SPNS3: variants seen among roughly 807,000 people sequenced by gnomAD.
SPNS3 encodes SPNS lysolipid transporter 3, sphingosine-1-phosphate (putative), also known as protein spinster homolog 3.
A neutral mutation model predicts 54.4 loss-of-function variants in SPNS3; 51 were observed. The ratio of observed to expected loss-of-function variants is 0.94; its 90% CI spans 0.75 to 1.18. SPNS3 has a LOEUF of 1.18. SPNS3 is among the 50% of genes most tolerant of loss of function. The probability of loss-of-function intolerance (pLI) is 0.00; values close to 1 mark genes in which losing one functional copy is unlikely to be tolerated. For synonymous variants in SPNS3, 309 were observed against 294.7 expected (o/e 1.05, Z -0.50); for missense variants, 669 against 677.4 (o/e 0.99, Z 0.14).
At chr17:4,473,512 C>T (rs919972430) in intron 8 of SPNS3, among the ~76,000 whole-genome samples, 3 of 151,944 alleles carry the variant, frequency 2.0e-5, no homozygotes, top group Admixed American at 6.6e-5. Context: ...TTTAGCCACC[C>T]GAGTAGCTGG....
intron 8 of SPNS3, among the ~76,000 whole-genome samples, chr17:4,470,673 G>C (rs947955495): frequency 6.6e-6 from 1 of 152,078 alleles, no homozygotes; most frequent in Non-Finnish European, 1.5e-5. Context: ...TTATAGATTT[G>C]TCTGTTCTGG....
intron 8 of SPNS3, among the ~76,000 whole-genome samples, chr17:4,473,504 T>C (rs1191658743): frequency 6.6e-6 from 1 of 151,988 alleles, no homozygotes; most frequent in Non-Finnish European, 1.5e-5. Context: ...TCTTGTGCTT[T>C]AGCCACCCGA....
chr17:4,449,097 C>T (rs1971084117), intron 6 of SPNS3, 138 bp from the exon 7 acceptor site: 1 of 1,008,780 alleles, frequency 9.9e-7, no homozygotes, highest in East Asian at 2.7e-5. Flanking sequence ...GAGGGGGTAG[C>T]AAATGCTACC....
At position 4,446,149 on chromosome 17, in the gene SPNS3, C is replaced by T. The variant is rs748989170; in HGVS notation, c.504C>T (p.Asp168=). Residue 168 remains aspartate (D), a synonymous_variant, in exon 4 of 12, where the codon GAC becomes GAT. Coordinates refer to ENST00000355530, the MANE Select transcript of SPNS3 (RefSeq NM_182538.5). The stretch of plus-strand genomic sequence containing the variant: ...TCCTGGGCGACCTCTTCGTGAGGGA[C>T]CAGCGCACCCGCGTGCTGGCTGTCT... ...PTVLGDLFVR[D]QRTRVLAVFY... is the part of the protein sequence containing the mutation. 7 of 1,613,578 alleles carry T rather than the reference C, an allele frequency of 4.3e-6. No individual in the cohort carries two copies. In the South Asian group the frequency reaches 6.6e-5, roughly 15 times the overall value.
Position 4,472,774 on chromosome 17 carries a change from C to CATTTTTTTTTTTTTTTT in SPNS3, c.1114-5798_1114-5797insATTTTTTTTTTTTTTTT, listed in dbSNP as rs1567572187. 5.1e-4 allele frequency among the ~76,000 whole-genome samples: 26 copies of CATTTTTTTTTTTTTTTT among 50,972 alleles called. 1 individual carries two copies. The highest frequency in any genetic ancestry group is 2.0e-3 in the African/African-American group (22 of 11,266). 33.4% of individuals were successfully genotyped at this position (50,972 alleles called of 152,430 possible). On this transcript the variant is annotated intron_variant, in intron 8 of 11. Coordinates refer to ENST00000355530, the MANE Select transcript of SPNS3 (RefSeq NM_182538.5). ...ATTGTCTGCTCTTTTGCTTGGCAGC[C>CATTTTTTTTTTTTTTTT]TTTTTTTTTTTTTTTTTTTTTTTTT...
intron 4 of SPNS3, 41 bp from the exon 5 acceptor site, chr17:4,446,855 C>T (rs764055970): frequency 4.4e-6 from 7 of 1,596,366 alleles, no homozygotes; most frequent in Non-Finnish European, 5.2e-6. Flanking sequence ...CCTTCCGCCT[C>T]CCTCCCCTCA....
chr17:4,477,753 T>G (rs996483150), intron 8 of SPNS3, among the ~76,000 whole-genome samples: 4 of 151,976 alleles, frequency 2.6e-5, no homozygotes, highest in African/African-American at 9.7e-5. Flanking sequence ...GCATGATGGG[T>G]GTACCAGGCC....
At chr17:4,450,231 T>C (rs1382989343) in intron 7 of SPNS3, among the ~76,000 whole-genome samples, 1 of 151,374 alleles carries the variant, frequency 6.6e-6, no homozygotes, top group African/African-American at 2.4e-5. Flanking sequence ...CACCCACGCC[T>C]ACCTTCTCCT....
At chr17:4,468,760 T>TCTTTCTTA in intron 8 of SPNS3, among the ~76,000 whole-genome samples, 1 of 142,668 alleles carries the variant, frequency 7.0e-6, no homozygotes, top group Middle Eastern at 3.5e-3. Flanking sequence ...TTTCTTTCTT[T>TCTTTCTTA]CTCTCTTTCT....
chr17:4,487,128 C>T (rs573717361), intron 11 of SPNS3, among the ~76,000 whole-genome samples: 3 of 145,402 alleles, frequency 2.1e-5, no homozygotes, highest in Non-Finnish European at 3.0e-5. Flanking sequence ...GCTGAGATCT[C>T]GCCACTGCAC....
Position 4,486,753 on chromosome 17 carries a change from GAGGCCAAGTCC to G in SPNS3, c.1450+176_1450+186del, listed in dbSNP as rs569641706. On this transcript the variant is annotated intron_variant, in intron 11 of 11. Coordinates refer to ENST00000355530, the MANE Select transcript of SPNS3 (RefSeq NM_182538.5). This position sits in a 1 kb window ranked among gnomAD's most constrained non-coding sequence, Gnocchi z 5.5. ...TGCAGATGCTGGGGAGTGAAAGAAT[GAGGCCAAGTCC>G]AGGCCCCTGTAGAAACTGACACTGT... 1.1e-3 allele frequency among the ~76,000 whole-genome samples: 166 copies of G among 152,338 alleles called. No individual in the cohort carries two copies. Among genetic ancestry groups the G allele is most frequent in the African/African-American group, 3.5e-3 (144 of 41,578 alleles).
chr17:4,445,213 A>C, intron 3 of SPNS3, 45 bp downstream of exon 3: 1 of 1,556,144 alleles, frequency 6.4e-7, no homozygotes, highest in Non-Finnish European at 8.7e-7. Flanking sequence ...CCCCTTCCCC[A>C]CCTGCTTCCT....
intron 8 of SPNS3, among the ~76,000 whole-genome samples, chr17:4,464,653 A>T (rs1287237058): frequency 6.6e-6 from 1 of 152,148 alleles, no homozygotes; most frequent in East Asian, 1.9e-4. Context: ...CATTAAAGAG[A>T]TAAGCAAACT....
At chr17:4,446,661 A>G (rs1970995728) in intron 4 of SPNS3, 1 of 591,304 alleles carries the variant, frequency 1.7e-6, no homozygotes, top group Non-Finnish European at 3.0e-6. Context: ...GTGTTTCCAT[A>G]GGTGGAGAGA....
intron 8 of SPNS3, among the ~76,000 whole-genome samples, chr17:4,471,867 G>T (rs538723056): frequency 0.056 from 8,382 of 149,312 alleles, 284 homozygotes; most frequent in Middle Eastern, 0.13. Context: ...TGGATTTTTT[G>T]TTTTTTTTTG....
chr17:4,461,356 CTTTTCTTTTTTTTTT>C (rs933822904), intron 8 of SPNS3, among the ~76,000 whole-genome samples: 4 of 56,994 alleles, frequency 7.0e-5, no homozygotes, highest in Admixed American at 1.9e-4. Flanking sequence ...CTTTTCTTTT[CTTTTCTTTTTTTTTT>C]TTTTTTTTTT....
chr17:4,472,133 A>T (rs1435734474), intron 8 of SPNS3, among the ~76,000 whole-genome samples: 1 of 152,226 alleles, frequency 6.6e-6, no homozygotes, highest in Non-Finnish European at 1.5e-5. Context: ...TGTTGGGATT[A>T]CAGGCGTGAG....
intron 2 of SPNS3, among the ~76,000 whole-genome samples, chr17:4,441,145 G>A (rs1337155448): frequency 6.6e-6 from 1 of 152,176 alleles, no homozygotes; most frequent in Non-Finnish European, 1.5e-5. Context: ...CCCATCCTTG[G>A]CAACGATTCA....
intron 9 of SPNS3, among the ~76,000 whole-genome samples, chr17:4,480,327 C>T (rs1166783355): frequency 6.6e-6 from 1 of 152,366 alleles, no homozygotes; most frequent in East Asian, 1.9e-4. Flanking sequence ...GTAATCACCA[C>T]CTGCCCGGTA....
Sources: gnomAD v4.1 joint callset for allele counts (sites outside exome capture counted in the v4.1 genomes callset) on GRCh38, gnomAD v4.1.1 for gene constraint, Gnocchi (gnomAD v3.1) non-coding constraint, MANE v1.5 for transcripts, NCBI Gene and HGNC (gene_info 2026-07-23, HGNC 2026-07-21) for gene names.